CNTN6: variants seen among roughly 807,000 people sequenced by gnomAD.
CNTN6 encodes contactin-6.
Under a neutral mutation model 122.8 loss-of-function variants are expected in CNTN6, and 137 were observed. That is an observed-to-expected ratio of 1.12 (90% CI 0.97 to 1.29). CNTN6 has a LOEUF of 1.29. Ranked by LOEUF, CNTN6 falls within the 50% of genes most tolerant of loss-of-function variation. CNTN6 has a pLI of 0.00. For missense variants in CNTN6, 1,634 were observed against 1,223.4 expected (o/e 1.34, Z -5.01); for synonymous variants, 570 against 426.0 (o/e 1.34, Z -4.16).
intron 20 of CNTN6, among the ~76,000 whole-genome samples, chr3:1,386,926 T>C (rs1693075436): frequency 6.6e-6 from 1 of 152,122 alleles, no homozygotes; most frequent in South Asian, 2.1e-4. Flanking sequence ...ATATTTGTCA[T>C]GTCCAAAAGA....
intron 20 of CNTN6, among the ~76,000 whole-genome samples, chr3:1,392,679 G>T (rs1281635592): frequency 3.4e-5 from 5 of 145,014 alleles, no homozygotes; most frequent in African/African-American, 1.3e-4. Flanking sequence ...CTAATATCAA[G>T]AATCTACAAT....
chr3:1,124,415 C>G (rs1189203020), intron 1 of CNTN6, among the ~76,000 whole-genome samples: 1 of 151,936 alleles, frequency 6.6e-6, no homozygotes. Context: ...CACACTGAAC[C>G]TCACTTAATT....
chr3:1,259,339 C>G lies in CNTN6; in HGVS notation c.359-19074C>G, dbSNP rs546538118. On this transcript the variant is annotated intron_variant, in intron 4 of 22. Transcript: ENST00000446702. ...TCTAGGGCCCAAGCTTCTAACCACT[C>G]TGCCATAATGCTTTTCTCATTAATT... Among the ~76,000 whole-genome samples the G allele has an allele frequency of 7.9e-5, 12 of 152,206 alleles. No homozygotes were observed. The South Asian group carries it at 2.5e-3, about 32-fold the overall frequency.
At chr3:1,346,902 G>T (rs1704810945) in intron 11 of CNTN6, among the ~76,000 whole-genome samples, 1 of 152,078 alleles carries the variant, frequency 6.6e-6, no homozygotes, top group African/African-American at 2.4e-5. Flanking sequence ...AAGGTAATAG[G>T]TACAAAGTCA....
chr3:1,161,769 T>TACACACACACACACACAC (rs558137459), intron 2 of CNTN6, among the ~76,000 whole-genome samples: 1 of 143,034 alleles, frequency 7.0e-6, no homozygotes, highest in Non-Finnish European at 1.5e-5. Context: ...TATATATGTA[T>TACACACACACACACACAC]ACACACACAC....
intron 2 of CNTN6, among the ~76,000 whole-genome samples, chr3:1,189,870 G>A (rs2093676922): frequency 6.6e-6 from 1 of 152,172 alleles, no homozygotes; most frequent in Non-Finnish European, 1.5e-5. Flanking sequence ...CAAACAAATT[G>A]GGGATCAGAG....
rs796466274 is a variant in CNTN6, at chr3:1,182,191, C to T, written c.55+34128C>T. Among the ~76,000 whole-genome samples, 115 of 152,276 alleles carry T rather than the reference C, an allele frequency of 7.6e-4. 1 individual carries two copies. Among genetic ancestry groups the T allele is most frequent in the African/African-American group, 2.6e-3 (110 of 41,586 alleles). ...CAGGAATTGTGGAAGAATCTACTCACTGTTTTGTCCCAATATCCAAGGGAG... is the reference window on the plus strand; with the variant it reads ...CAGGAATTGTGGAAGAATCTACTCATTGTTTTGTCCCAATATCCAAGGGAG... On this transcript the variant is annotated intron_variant, in intron 2 of 22. Transcript: ENST00000446702.
At chr3:1,291,712 CA>C (rs990633717) in intron 5 of CNTN6, among the ~76,000 whole-genome samples, 8 of 152,034 alleles carry the variant, frequency 5.3e-5, no homozygotes, top group African/African-American at 1.9e-4. Flanking sequence ...TGATTTCAAA[CA>C]AAAACCTTTG....
intron 5 of CNTN6, among the ~76,000 whole-genome samples, chr3:1,289,909 C>T (rs1031419224): frequency 2.6e-5 from 4 of 152,112 alleles, no homozygotes; most frequent in Admixed American, 6.5e-5. Context: ...CTCCTGACCT[C>T]GTGATCCGCC....
chr3:1,247,347 T>A (rs1422125210), intron 4 of CNTN6, among the ~76,000 whole-genome samples: 1 of 152,112 alleles, frequency 6.6e-6, no homozygotes, highest in Non-Finnish European at 1.5e-5. Flanking sequence ...TTGACCTCTT[T>A]TTTCTCTCTT....
intron 20 of CNTN6, 85 bp downstream of exon 20, chr3:1,385,882 C>A: frequency 7.9e-7 from 1 of 1,268,470 alleles, no homozygotes; most frequent in Non-Finnish European, 1.1e-6. Context: ...CATTCCCACA[C>A]CTCATTTCTT....
intron 2 of CNTN6, among the ~76,000 whole-genome samples, chr3:1,198,153 A>T (rs2093805579): frequency 6.6e-6 from 1 of 152,152 alleles, no homozygotes; most frequent in South Asian, 2.1e-4. Flanking sequence ...GTATTTCCCC[A>T]TCATCTCTCA....
chr3:1,245,281 A>ATATATAT (rs2094559391), intron 4 of CNTN6, among the ~76,000 whole-genome samples: 2 of 4,470 alleles, frequency 4.5e-4, no homozygotes, highest in East Asian at 4.6e-3. Flanking sequence ...ATATACACAC[A>ATATATAT]CATATATATA....
intron 19 of CNTN6, 24 bp downstream of exon 19, chr3:1,383,432 T>C: frequency 6.3e-7 from 1 of 1,577,376 alleles, no homozygotes; most frequent in Non-Finnish European, 8.7e-7. Context: ...ATTTCACTTT[T>C]GCTTATGAAT....
chr3:1,203,413 G>A (rs940573507), intron 2 of CNTN6, among the ~76,000 whole-genome samples: 1 of 152,184 alleles, frequency 6.6e-6, no homozygotes, highest in Non-Finnish European at 1.5e-5. Flanking sequence ...GTTTCACAAA[G>A]GGCAAATCTT....
chr3:1,386,585 C>G (rs572673990), intron 20 of CNTN6, among the ~76,000 whole-genome samples: 2 of 152,090 alleles, frequency 1.3e-5, no homozygotes, highest in African/African-American at 2.4e-5. Flanking sequence ...TCTGATCATC[C>G]GACTTAGTTG....
chr3:1,316,395 C>G (rs1330703098), intron 7 of CNTN6, among the ~76,000 whole-genome samples: 1 of 151,640 alleles, frequency 6.6e-6, no homozygotes, highest in Non-Finnish European at 1.5e-5. Flanking sequence ...ATGGCTGGAG[C>G]AGAAGGAAGA....
intron 4 of CNTN6, among the ~76,000 whole-genome samples, chr3:1,255,415 T>C (rs1048284451): frequency 1.4e-4 from 16 of 114,058 alleles, no homozygotes; most frequent in African/African-American, 4.8e-4. Context: ...CATTTGAAAA[T>C]GGAAAAAAAA....
At chr3:1,153,461 C>A (rs2125198237) in intron 2 of CNTN6, among the ~76,000 whole-genome samples, 1 of 152,308 alleles carries the variant, frequency 6.6e-6, no homozygotes, top group African/African-American at 2.4e-5. Context: ...TTCAAAACTT[C>A]TCCCAAAGTA....
Sources: allele counts gnomAD v4.1 joint callset (sites outside exome capture counted in the v4.1 genomes callset), GRCh38; gene constraint gnomAD v4.1.1; transcripts MANE v1.5; gene names NCBI Gene and HGNC (gene_info 2026-07-23, HGNC 2026-07-21).